Variants in TAFA1 observed in about 807,000 individuals in gnomAD.
TAFA1 encodes the protein chemokine-like protein TAFA-1.
Under a neutral mutation model 18.5 loss-of-function variants are expected in TAFA1, and 4 were observed. The ratio of observed to expected loss-of-function variants is 0.22; its 90% CI spans 0.11 to 0.49. The LOEUF is 0.49. TAFA1 is among the 20% of genes least tolerant of loss of function. The pLI is 0.98. For synonymous variants in TAFA1, 56 were observed against 55.2 expected (o/e 1.01, Z -0.06); for missense variants, 147 against 169.0 (o/e 0.87, Z 0.72).
At chr3:68,170,744 G>A (rs563721632) in intron 2 of TAFA1, among the ~76,000 whole-genome samples, 122 of 151,864 alleles carry the variant, frequency 8.0e-4, no homozygotes, top group African/African-American at 2.9e-3. Flanking sequence ...CTCAACAGAG[G>A]CTGGAGGATT....
At chr3:68,464,465 C>G (rs1327962386) in intron 3 of TAFA1, among the ~76,000 whole-genome samples, 2 of 151,920 alleles carry the variant, frequency 1.3e-5, no homozygotes, top group Non-Finnish European at 2.9e-5. Flanking sequence ...TTGTGGGGAG[C>G]GATGACAGCA....
At chr3:68,451,159 A>C (rs1031429723) in intron 3 of TAFA1, among the ~76,000 whole-genome samples, 1 of 152,224 alleles carries the variant, frequency 6.6e-6, no homozygotes, top group South Asian at 2.1e-4. Context: ...CAGGCTATGA[A>C]GCAGTCATTT....
intron 3 of TAFA1, among the ~76,000 whole-genome samples, chr3:68,527,455 T>C (rs962324715): frequency 1.3e-5 from 2 of 152,200 alleles, no homozygotes; most frequent in Non-Finnish European, 2.9e-5. Flanking sequence ...TTAAAATTCA[T>C]GTCAAGGTAG....
intron 2 of TAFA1, among the ~76,000 whole-genome samples, chr3:68,084,882 T>C (rs2064952532): frequency 6.6e-6 from 1 of 152,016 alleles, no homozygotes; most frequent in Admixed American, 6.6e-5. Context: ...TCTCCTATAC[T>C]CTTTACTCTT....
chr3:68,428,616 C>T (rs952188021), intron 3 of TAFA1, among the ~76,000 whole-genome samples: 1 of 151,820 alleles, frequency 6.6e-6, no homozygotes, highest in Non-Finnish European at 1.5e-5. Flanking sequence ...ACACTCTCAC[C>T]CTCCCCATTT....
intron 3 of TAFA1, among the ~76,000 whole-genome samples, chr3:68,423,976 T>A (rs1262105969): frequency 6.6e-6 from 1 of 152,002 alleles, no homozygotes; most frequent in African/African-American, 2.4e-5. Flanking sequence ...CGTCTTATAC[T>A]GGATCACCAG....
intron 3 of TAFA1, among the ~76,000 whole-genome samples, chr3:68,461,091 G>T (rs1303000880): frequency 6.6e-6 from 1 of 151,912 alleles, no homozygotes; most frequent in South Asian, 2.1e-4. Context: ...AGACCAGCTT[G>T]ACCAACATAG....
intron 2 of TAFA1, among the ~76,000 whole-genome samples, chr3:68,324,822 G>C (rs1212299274): frequency 6.6e-6 from 1 of 152,160 alleles, no homozygotes; most frequent in East Asian, 1.9e-4. Flanking sequence ...AGCTAAAGCA[G>C]TAATTAGCAA....
At chr3:68,260,291 C>CT (rs921243128) in intron 2 of TAFA1, among the ~76,000 whole-genome samples, 1 of 152,106 alleles carries the variant, frequency 6.6e-6, no homozygotes, top group Non-Finnish European at 1.5e-5. Flanking sequence ...ATGAAGCCCA[C>CT]TTGATCATGG....
intron 3 of TAFA1, among the ~76,000 whole-genome samples, chr3:68,494,431 G>T (rs1335785177): frequency 9.2e-5 from 14 of 152,118 alleles, no homozygotes; most frequent in Admixed American, 9.2e-4. Flanking sequence ...TTCTCTGTAG[G>T]ATAACCCAGA....
chr3:68,095,500 T>C (rs1001551396), intron 2 of TAFA1, among the ~76,000 whole-genome samples: 1 of 152,168 alleles, frequency 6.6e-6, no homozygotes, highest in Non-Finnish European at 1.5e-5. Context: ...CCACTTTCCA[T>C]GGTGTTATGT....
intron 2 of TAFA1, among the ~76,000 whole-genome samples, chr3:68,158,361 G>GT (rs2065888363): frequency 6.6e-6 from 1 of 152,080 alleles, no homozygotes. Context: ...ATACGGTATA[G>GT]TGAAAGGGCA....
At chr3:68,230,944 G>A (rs1334565801) in intron 2 of TAFA1, among the ~76,000 whole-genome samples, 1 of 152,044 alleles carries the variant, frequency 6.6e-6, no homozygotes, top group Non-Finnish European at 1.5e-5. Context: ...CAGATCTTTT[G>A]CCCATTTTTC....
At chr3:68,305,676 A>G (rs187111696) in intron 2 of TAFA1, among the ~76,000 whole-genome samples, 8 of 151,936 alleles carry the variant, frequency 5.3e-5, no homozygotes, top group Admixed American at 5.3e-4. Flanking sequence ...CAGGGGATGG[A>G]AAGAAAGTGC....
intron 3 of TAFA1, among the ~76,000 whole-genome samples, chr3:68,535,008 T>C (rs1398801590): frequency 6.6e-6 from 1 of 152,192 alleles, no homozygotes; most frequent in Non-Finnish European, 1.5e-5. Flanking sequence ...TTTCTTCTCA[T>C]GCTAAGATCA....
chr3:68,268,781 C>T (rs902090591), intron 2 of TAFA1, among the ~76,000 whole-genome samples: 1 of 152,074 alleles, frequency 6.6e-6, no homozygotes, highest in Non-Finnish European at 1.5e-5. Context: ...GCTCCCTGCA[C>T]TTTTCTGCTG....
chr3:68,257,967 AT>A (rs2067331668), intron 2 of TAFA1, among the ~76,000 whole-genome samples: 1 of 152,184 alleles, frequency 6.6e-6, no homozygotes, highest in Non-Finnish European at 1.5e-5. Context: ...TGGACATTCC[AT>A]AAAATATCTC....
At chr3:68,475,804 C>A (rs1341488788) in intron 3 of TAFA1, among the ~76,000 whole-genome samples, 1 of 143,958 alleles carries the variant, frequency 6.9e-6, no homozygotes, top group Non-Finnish European at 1.5e-5. Flanking sequence ...TATTTCTCCA[C>A]ATCCTCTCCA....
At chr3:68,341,140 G>C (rs950831617) in intron 2 of TAFA1, among the ~76,000 whole-genome samples, 1 of 152,194 alleles carries the variant, frequency 6.6e-6, no homozygotes, top group African/African-American at 2.4e-5. Flanking sequence ...AATTCACACA[G>C]AGGTGGCTGT....
Sources: allele counts gnomAD v4.1 joint callset (sites outside exome capture counted in the v4.1 genomes callset), GRCh38; gene constraint gnomAD v4.1.1; transcripts MANE v1.5; gene names NCBI Gene and HGNC (gene_info 2026-07-23, HGNC 2026-07-21).